Variants in SBF2 observed in about 807,000 individuals in gnomAD.
SBF2 encodes SET binding factor 2, also known as myotubularin-related protein 13.
Under a neutral mutation model 225.2 loss-of-function variants are expected in SBF2, and 112 were observed. The observed-to-expected ratio is 0.50, with a 90% CI of 0.43 to 0.58. The LOEUF (loss-of-function observed/expected upper bound fraction) is 0.58. Ranked by LOEUF, SBF2 falls within the 20% of genes least tolerant of loss-of-function variation. The pLI is 0.00. For synonymous variants in SBF2, 763 were observed against 773.3 expected (o/e 0.99, Z 0.22); for missense variants, 1,996 against 2,206.2 (o/e 0.90, Z 1.91).
intron 2 of SBF2, among the ~76,000 whole-genome samples, chr11:10,047,313 A>C (rs1249676107): frequency 6.6e-6 from 1 of 152,190 alleles, no homozygotes; most frequent in Non-Finnish European, 1.5e-5. Context: ...CAGGATAGCC[A>C]ATACAATATT....
intron 1 of SBF2, among the ~76,000 whole-genome samples, chr11:10,217,829 A>AT (rs1310740345): frequency 2.6e-5 from 4 of 152,216 alleles, no homozygotes; most frequent in African/African-American, 9.6e-5. Flanking sequence ...AAGAAGTTTA[A>AT]TAGACTAACA....
chr11:9,899,513 A>AG (rs1861547750), intron 16 of SBF2, among the ~76,000 whole-genome samples: 1 of 151,178 alleles, frequency 6.6e-6, no homozygotes, highest in African/African-American at 2.4e-5. Context: ...AAAAAAAAAA[A>AG]AAGCCACTTG....
rs367920582 is a variant in SBF2 at position 10,262,141 on chromosome 11, T to C, written c.55+31874A>G. On this transcript the variant is annotated intron_variant, in intron 1 of 39. Transcript: ENST00000256190. ...CAAAATTGCATTATGGTTAATTATA[T>C]GCATGCCAAACTAGTTTGGGGGAAG... 1.1e-4 allele frequency among the ~76,000 whole-genome samples: 17 copies of C among 152,232 alleles called. No individual in the cohort carries two copies. The South Asian group carries it at 3.5e-3, about 32-fold the overall frequency.
At chr11:10,229,831 G>A (rs1032641105) in intron 1 of SBF2, among the ~76,000 whole-genome samples, 11 of 152,258 alleles carry the variant, frequency 7.2e-5, no homozygotes, top group Middle Eastern at 3.4e-3. Flanking sequence ...TATTAGGTCC[G>A]CTTGGTGCAG....
intron 2 of SBF2, among the ~76,000 whole-genome samples, chr11:10,114,606 T>C (rs976808787): frequency 1.3e-5 from 2 of 152,266 alleles, no homozygotes; most frequent in African/African-American, 4.8e-5. Context: ...AAAAGTTTGC[T>C]GAATGAAAAC....
rs11828736 is a variant in SBF2, at chr11:9,846,610, C to T, written c.2934+346G>A. On this transcript the variant is annotated intron_variant, in intron 23 of 39. Coordinates refer to ENST00000256190, the MANE Select transcript of SBF2 (RefSeq NM_030962.4). Reference sequence around the variant, plus strand: ...TCCATAGAACAGCCACAGGGCATTTCCTTCAAAACAGATGACAAGATAATT... The same window carrying T: ...TCCATAGAACAGCCACAGGGCATTTTCTTCAAAACAGATGACAAGATAATT... Among the ~76,000 whole-genome samples, 867 of 152,308 alleles carry T rather than the reference C, an allele frequency of 5.7e-3. 4 individuals carry two copies. Among genetic ancestry groups the T allele is most frequent in the African/African-American group, 0.019 (792 of 41,576 alleles).
chr11:10,231,053 A>G (rs1275493657), intron 1 of SBF2, among the ~76,000 whole-genome samples: 3 of 151,654 alleles, frequency 2.0e-5, no homozygotes, highest in Non-Finnish European at 4.4e-5. Context: ...GCTTCATTTC[A>G]TTCATTTCAT....
intron 16 of SBF2, among the ~76,000 whole-genome samples, chr11:9,916,575 C>CT (rs1863110841): frequency 6.7e-6 from 1 of 150,194 alleles, no homozygotes; most frequent in Non-Finnish European, 1.5e-5. Context: ...AAGTCCTGAA[C>CT]TTACATCTTT....
chr11:10,029,663 T>A, intron 5 of SBF2, 102 bp downstream of exon 5: 2 of 910,320 alleles, frequency 2.2e-6, no homozygotes, highest in Non-Finnish European at 3.7e-6. Context: ...AAAACAAAAA[T>A]ATTTAAAGAA....
At chr11:9,865,941 C>T (rs1269689475) in intron 17 of SBF2, among the ~76,000 whole-genome samples, 1 of 152,062 alleles carries the variant, frequency 6.6e-6, no homozygotes, top group African/African-American at 2.4e-5. Context: ...TTATTTCCAA[C>T]TGTTTGCTAT....
intron 12 of SBF2, 70 bp from the exon 13 acceptor site, chr11:9,989,665 C>T: frequency 1.0e-6 from 1 of 960,080 alleles, no homozygotes; most frequent in Non-Finnish European, 1.6e-6. Flanking sequence ...GTGATAATTT[C>T]ATACAATTTG....
At chr11:9,987,254 T>G (rs1250545447) in intron 13 of SBF2, among the ~76,000 whole-genome samples, 2 of 152,046 alleles carry the variant, frequency 1.3e-5, no homozygotes, top group Non-Finnish European at 2.9e-5. Context: ...TCAGCAGAAC[T>G]GGCATACGAG....
chr11:9,822,941 C>A (rs1321055754), intron 28 of SBF2, among the ~76,000 whole-genome samples: 1 of 152,194 alleles, frequency 6.6e-6, no homozygotes, highest in Non-Finnish European at 1.5e-5. Context: ...GTCACTTAAT[C>A]TCCCTGGGCC....
intron 1 of SBF2, among the ~76,000 whole-genome samples, chr11:10,223,297 C>A (rs1008569433): frequency 6.7e-6 from 1 of 150,000 alleles, no homozygotes; most frequent in Non-Finnish European, 1.5e-5. Flanking sequence ...CCCCTAGAGC[C>A]GTCAAAAATC....
At chr11:10,189,407 C>T (rs917414688) in intron 2 of SBF2, among the ~76,000 whole-genome samples, 12 of 152,136 alleles carry the variant, frequency 7.9e-5, no homozygotes, top group African/African-American at 2.7e-4. Context: ...ATGATTGCTA[C>T]CCATTTATTG....
chr11:10,112,856 A>G (rs531217879), intron 2 of SBF2, among the ~76,000 whole-genome samples: 31 of 152,338 alleles, frequency 2.0e-4, no homozygotes, highest in African/African-American at 7.2e-4. Context: ...ATAAATAGGA[A>G]AGAAGTGCAT....
At chr11:10,229,342 T>C (rs1459203194) in intron 1 of SBF2, among the ~76,000 whole-genome samples, 3 of 152,226 alleles carry the variant, frequency 2.0e-5, no homozygotes, top group Non-Finnish European at 2.9e-5. Context: ...TAGTTATTTC[T>C]TGCCTTCTGC....
Position 10,166,990 on chromosome 11 carries a change from A to ACACACACACACAC in SBF2, c.141+26911_141+26912insGTGTGTGTGTGTG, listed in dbSNP as rs1282714502. Among the ~76,000 whole-genome samples the ACACACACACACAC allele has an allele frequency of 1.4e-3, 211 of 146,070 alleles. 2 individuals carry two copies. Among genetic ancestry groups the ACACACACACACAC allele is most frequent in the African/African-American group, 4.2e-3 (165 of 39,508 alleles). On this transcript the variant is annotated intron_variant, in intron 2 of 39. Transcript: ENST00000256190. The stretch of plus-strand genomic sequence containing the variant: ...ACACACACACACACACACACACACA[A>ACACACACACACAC]AAAGGCTACTAATTGAAAAGTTCAG...
At chr11:10,265,559 C>A (rs985662780) in intron 1 of SBF2, among the ~76,000 whole-genome samples, 14 of 150,722 alleles carry the variant, frequency 9.3e-5, no homozygotes, top group Non-Finnish European at 1.9e-4. Context: ...AATGAATATA[C>A]AAACATACAG....
Sources: gnomAD v4.1 joint callset for allele counts (sites outside exome capture counted in the v4.1 genomes callset) on GRCh38, gnomAD v4.1.1 for gene constraint, MANE v1.5 for transcripts, NCBI Gene and HGNC (gene_info 2026-07-23, HGNC 2026-07-21) for gene names.